Variants in PTPRN2 observed in about 807,000 individuals in gnomAD.
PTPRN2 encodes the protein protein tyrosine phosphatase receptor type N2, also known as receptor-type tyrosine-protein phosphatase N2.
A neutral mutation model predicts 118.8 loss-of-function variants in PTPRN2; 74 were observed. The ratio of observed to expected loss-of-function variants is 0.62; its 90% CI spans 0.52 to 0.76. The LOEUF is 0.76. Among genes scored for constraint, PTPRN2 ranks in the 30% least tolerant of loss-of-function variants. The pLI is 0.00. For missense variants in PTPRN2, 1,481 were observed against 1,394.4 expected, an observed-to-expected ratio of 1.06 and a Z score of -0.99; for synonymous variants, 641 against 608.0, an observed-to-expected ratio of 1.05 and a Z score of -0.80.
rs1826906247 is a variant in PTPRN2, at chr7:158,555,364, C to T, written c.112+32194G>A. 6.6e-6 allele frequency among the ~76,000 whole-genome samples: 1 copy of T among 152,194 alleles called. No homozygotes were observed. The highest frequency in any genetic ancestry group is 2.1e-4 in the South Asian group (1 of 4,824). On this transcript the variant is annotated intron_variant, in intron 1 of 22. Transcript: ENST00000389418. The surrounding 1 kb of genome is among the most constrained non-coding windows in gnomAD (Gnocchi z 4.7). ...CCAGCGTCGAACGAAGCAGGTCCTT[C>T]TCCCTTCACAAGCAGCATCCACGGC...
chr7:158,229,446 C>T (rs1486041743), intron 3 of PTPRN2, among the ~76,000 whole-genome samples: 3 of 151,894 alleles, frequency 2.0e-5, no homozygotes, highest in Non-Finnish European at 2.9e-5. Context: ...TGTGAGTTCT[C>T]GGACCAAGAA....
At chr7:157,668,284 G>A (rs1199666270) in intron 13 of PTPRN2, among the ~76,000 whole-genome samples, 1 of 152,224 alleles carries the variant, frequency 6.6e-6, no homozygotes, top group Non-Finnish European at 1.5e-5. Flanking sequence ...AGCATCTGAT[G>A]GAGAAAATTA....
chr7:158,019,184 A>G lies in PTPRN2; in HGVS notation c.1723+62114T>C, dbSNP rs575925258. ...CATCCTCCCACCACGGGCTCCCAGC[A>G]CTGGCAAAATGCCACTCAGACCACA... On this transcript the variant is annotated intron_variant, in intron 11 of 22. Transcript: ENST00000389418. Among the ~76,000 whole-genome samples the G allele has an allele frequency of 1.6e-4, 25 of 152,336 alleles. No homozygotes were observed. In the South Asian group the frequency reaches 5.2e-3, roughly 32 times the overall value.
At chr7:158,568,345 G>A (rs1323276585) in intron 1 of PTPRN2, among the ~76,000 whole-genome samples, 1 of 152,072 alleles carries the variant, frequency 6.6e-6, no homozygotes, top group African/African-American at 2.4e-5. Flanking sequence ...GCAGAGAAAG[G>A]AGATGAACCG....
At chr7:158,171,332 T>TACAC (rs1248898737) in intron 5 of PTPRN2, among the ~76,000 whole-genome samples, 1 of 122,798 alleles carries the variant, frequency 8.1e-6, no homozygotes, top group African/African-American at 3.3e-5. Flanking sequence ...TATATATATA[T>TACAC]ATATATATAT....
At position 158,138,353 on chromosome 7, in the gene PTPRN2, C is replaced by T; in HGVS notation, c.1073G>A (p.Gly358Glu). The part of the protein sequence containing the change: ...ARGSPGRAAL[G>E]ESGEQADGPK... ...GCCATCCGCCTGTTCTCCAGACTCT[C>T]CCAGGGCCGCTCTCCCAGGGCTGCC... The change falls in exon 7 of 23, where the codon GGA (glycine) becomes GAA (glutamate). Residue 358 changes from glycine to glutamate, a missense_variant. Physicochemically the swap from Gly to Glu is moderately conservative, Grantham distance 98 (BLOSUM62 -2). This residue lies in a region of PTPRN2 where 1,115 missense variants were observed against 994.2 expected (regional missense o/e 1.12). Coordinates refer to ENST00000389418, the MANE Select transcript of PTPRN2 (RefSeq NM_002847.5). The T allele has an allele frequency of 6.2e-7, 1 of 1,613,784 alleles. No homozygotes were observed. The highest frequency in any genetic ancestry group is 2.2e-5 in the East Asian group (1 of 44,856).
chr7:158,145,968 G>C (rs950993210), intron 6 of PTPRN2, among the ~76,000 whole-genome samples: 9 of 152,178 alleles, frequency 5.9e-5, no homozygotes, highest in Non-Finnish European at 1.0e-4. Flanking sequence ...TGACAAGTGA[G>C]GCATGGGCCC....
intron 3 of PTPRN2, among the ~76,000 whole-genome samples, chr7:158,273,458 A>ACAGACGCGGGAGGAGC (rs1563072636): frequency 1.3e-4 from 9 of 68,820 alleles, no homozygotes; most frequent in African/African-American, 4.9e-4. Context: ...GGAGCCGCAG[A>ACAGACGCGGGAGGAGC]CGCAGGGGGA....
intron 3 of PTPRN2, among the ~76,000 whole-genome samples, chr7:158,311,007 T>C (rs1299836694): frequency 6.6e-6 from 1 of 151,750 alleles, no homozygotes; most frequent in Admixed American, 6.6e-5. Context: ...GGGTAGGGGG[T>C]GGATCTCAGC....
At chr7:157,571,576 G>GGTCTGTGT in intron 19 of PTPRN2, 83 bp from the exon 20 acceptor site, 1 of 1,025,152 alleles carries the variant, frequency 9.8e-7, no homozygotes, top group Non-Finnish European at 1.5e-6. Flanking sequence ...CAAAGCGCAA[G>GGTCTGTGT]GTCTGTGTGT....
At chr7:158,295,178 C>G (rs1300024554) in intron 3 of PTPRN2, among the ~76,000 whole-genome samples, 1 of 123,998 alleles carries the variant, frequency 8.1e-6, no homozygotes, top group African/African-American at 3.1e-5. Context: ...TGCACCACAT[C>G]GTGGTTCACC....
chr7:158,482,444 C>A (rs1820711379), intron 2 of PTPRN2, among the ~76,000 whole-genome samples: 1 of 152,198 alleles, frequency 6.6e-6, no homozygotes, highest in African/African-American at 2.4e-5. Context: ...CAATCAGCAG[C>A]CATTAACACT....
At chr7:158,219,849 G>A (rs1345567603) in intron 3 of PTPRN2, among the ~76,000 whole-genome samples, 9 of 151,180 alleles carry the variant, frequency 6.0e-5, no homozygotes, top group African/African-American at 2.2e-4. Context: ...CTGAACAGAT[G>A]AATAATGACT....
intron 11 of PTPRN2, among the ~76,000 whole-genome samples, chr7:157,998,357 G>C (rs1804944815): frequency 6.6e-6 from 1 of 152,188 alleles, no homozygotes; most frequent in African/African-American, 2.4e-5. Flanking sequence ...GTCAGGGCTG[G>C]CCCGGAGGCT....
intron 1 of PTPRN2, among the ~76,000 whole-genome samples, chr7:158,492,196 C>T (rs567233160): frequency 1.3e-5 from 2 of 152,308 alleles, no homozygotes; most frequent in South Asian, 4.1e-4. Context: ...GGAGGTTAGT[C>T]CGATGTCGTG....
intron 12 of PTPRN2, among the ~76,000 whole-genome samples, chr7:157,762,294 C>T (rs896292471): frequency 6.6e-5 from 10 of 152,188 alleles, no homozygotes; most frequent in South Asian, 2.1e-4. Context: ...CACATGCACA[C>T]GTATGTTTAT....
At chr7:158,036,147 C>T (rs1435381423) in intron 11 of PTPRN2, among the ~76,000 whole-genome samples, 1 of 151,980 alleles carries the variant, frequency 6.6e-6, no homozygotes, top group Non-Finnish European at 1.5e-5. Context: ...GAATTAGGGG[C>T]ATAACAATAA....
chr7:157,902,742 TGA>T (rs1305418173), intron 11 of PTPRN2, among the ~76,000 whole-genome samples: 1 of 152,202 alleles, frequency 6.6e-6, no homozygotes, highest in Admixed American at 6.5e-5. Context: ...TAAACGAGTC[TGA>T]GAGAGTTTGT....
In PTPRN2 at chr7:157,717,688, C is replaced by T. The variant is rs532699554; in HGVS notation, c.1789-34751G>A. 1.2e-3 allele frequency among the ~76,000 whole-genome samples: 185 copies of T among 152,360 alleles called. 1 individual carries two copies. Among genetic ancestry groups the T allele is most frequent in the African/African-American group, 4.0e-3 (166 of 41,588 alleles). On this transcript the variant is annotated intron_variant, in intron 12 of 22. Coordinates refer to ENST00000389418, the MANE Select transcript of PTPRN2 (RefSeq NM_002847.5). Reference sequence around the variant, plus strand: ...CAGCCTCTTCACCAGGTATGGGCACCGGCTGCTCCTTGCTGCAGGACCGCT... The same window carrying T: ...CAGCCTCTTCACCAGGTATGGGCACTGGCTGCTCCTTGCTGCAGGACCGCT...
Sources: gnomAD v4.1 joint callset for allele counts (sites outside exome capture counted in the v4.1 genomes callset) on GRCh38, gnomAD v4.1.1 for gene constraint, gnomAD v4.1.1 regional missense constraint, Gnocchi (gnomAD v3.1) non-coding constraint, MANE v1.5 for transcripts, NCBI Gene and HGNC (gene_info 2026-07-23, HGNC 2026-07-21) for gene names.